MRPS22: variants seen among roughly 807,000 people sequenced by gnomAD.
The protein encoded by MRPS22 is small ribosomal subunit protein mS22.
MRPS22 carries 30 observed loss-of-function variants against 44.0 expected under a neutral mutation model. The ratio of observed to expected loss-of-function variants is 0.68; its 90% confidence interval spans 0.51 to 0.93. MRPS22 has a LOEUF of 0.93. Among genes scored for constraint, MRPS22 ranks in the 40% least tolerant of loss-of-function variants. MRPS22 has a pLI of 0.00. For synonymous variants in MRPS22, 165 were observed against 154.4 expected (o/e 1.07, Z -0.51); for missense variants, 447 against 447.8 (o/e 1.00, Z 0.02).
intron 1 of MRPS22, 157 bp from the exon 2 acceptor site, chr3:139,346,721 T>C (rs1941043955): frequency 7.0e-6 from 5 of 716,006 alleles, no homozygotes; most frequent in East Asian, 2.7e-5. Flanking sequence ...AAATCTTAAA[T>C]GAAGAAATAA....
At chr3:139,356,800 A>G in intron 7 of MRPS22, 119 bp from the exon 8 acceptor site, 1 of 709,882 alleles carries the variant, frequency 1.4e-6, no homozygotes, top group Non-Finnish European at 2.4e-6. Context: ...GAAATCTGAA[A>G]GCCCTTTTTA....
chr3:139,352,976 G>T (rs1055875463), intron 6 of MRPS22, among the ~76,000 whole-genome samples, 184 bp downstream of exon 6: 1 of 152,140 alleles, frequency 6.6e-6, no homozygotes, highest in African/African-American at 2.4e-5. Flanking sequence ...TAAAGTGTAA[G>T]TAAGCCACTT....
In MRPS22 at chr3:139,356,951, C is replaced by T. The variant is rs1941291437; in HGVS notation, c.1020C>T (p.Ala340=). The T allele has an allele frequency of 1.2e-6, 2 of 1,612,846 alleles. No individual in the cohort carries two copies. Among genetic ancestry groups the T allele is most frequent in the African/African-American group, 2.7e-5 (2 of 74,868 alleles). ...VFAKTEAQKG[A]YIELTLQTYQ... Reference sequence around the variant, plus strand: ...CAAAAACAGAAGCACAGAAGGGAGCCTATATAGAACTAACACTGCAGACTT... The same window carrying T: ...CAAAAACAGAAGCACAGAAGGGAGCTTATATAGAACTAACACTGCAGACTT... The change falls in exon 8 of 8, where the codon GCC becomes GCT. Residue 340 remains alanine, a synonymous_variant. Coordinates refer to ENST00000680020, the MANE Select transcript of MRPS22 (RefSeq NM_020191.4).
chr3:139,344,300 T>C (rs1478334241), intron 1 of MRPS22, 102 bp downstream of exon 1: 1 of 1,262,356 alleles, frequency 7.9e-7, no homozygotes, highest in Admixed American at 2.0e-5. Context: ...ACACGTATCC[T>C]AGCGCTTCCT....
chr3:139,348,483 A>C, intron 3 of MRPS22, 159 bp downstream of exon 3: 8 of 690,092 alleles, frequency 1.2e-5, no homozygotes, highest in East Asian at 2.7e-5. Flanking sequence ...AGGGATGAGA[A>C]ATGCAGACCA....
chr3:139,352,675 A>G lies in MRPS22; in HGVS notation c.761A>G (p.Asp254Gly), dbSNP rs1225422129. The G allele has an allele frequency of 6.2e-7, 1 of 1,613,518 alleles. No homozygotes were observed. Among genetic ancestry groups the G allele is most frequent in the Admixed American group, 1.7e-5 (1 of 60,026 alleles). Residue 254 changes from aspartate (D) to glycine (G), a missense_variant, in exon 6 of 8, where the codon GAT becomes GGT. By Grantham distance (94) the Asp-to-Gly change is moderately conservative. Transcript: ENST00000680020. The part of the protein sequence containing the change: ...KVHHKTYEDI[D>G]KRGKYDLLRS... ...CATCACAAGACCTATGAAGATATAG[A>G]TAAACGTGGAAAATATGACCTTTTA...
intron 2 of MRPS22, 145 bp downstream of exon 2, chr3:139,347,189 T>A (rs2107787437): frequency 1.0e-6 from 1 of 979,954 alleles, no homozygotes; most frequent in Admixed American, 2.0e-5. Context: ...AAAAGAAATG[T>A]GAGTAGGCTG....
chr3:139,348,289 G>A lies in MRPS22; in HGVS notation c.469G>A (p.Val157Met), dbSNP rs775576256. The change falls in exon 3 of 8, where the codon GTG (valine) becomes ATG (methionine). Residue 157 changes from valine (V) to methionine (M), a missense_variant. Transcript: ENST00000680020. ...GGAAGGAACAGAAACAACCAAATAT[G>A]TGTTTACTGATATATCATATAGCAT... ...ILEGTETTKY[V>M]FTDISYSIPH... 6.2e-7 allele frequency: 1 copy of A among 1,614,078 alleles called. No homozygotes were observed. Among genetic ancestry groups the A allele is most frequent in the South Asian group, 1.1e-5 (1 of 91,084 alleles).
In MRPS22 at chr3:139,355,022, GTCT is replaced by G. The variant is rs368490350; in HGVS notation, c.879-654_879-652del. Reference sequence around the variant, plus strand: ...ACCAGAAGAACTGAATTCTTGTTCTGTCTTCTTCATAGGTAGTTGTGTGATGCT... The same window carrying G: ...ACCAGAAGAACTGAATTCTTGTTCTGTCTTCATAGGTAGTTGTGTGATGCT... On this transcript the variant is annotated intron_variant, in intron 6 of 7. Transcript: ENST00000680020. Among the ~76,000 whole-genome samples the G allele has an allele frequency of 2.1e-3, 326 of 152,284 alleles. 1 individual carries two copies. The highest frequency in any genetic ancestry group is 7.5e-3 in the African/African-American group (313 of 41,568).
At position 139,357,085 on chromosome 3, in the gene MRPS22, T is replaced by TA. The variant is rs986827742; in HGVS notation, c.*77dup. 14 of 1,274,838 alleles carry TA rather than the reference T, an allele frequency of 1.1e-5. No homozygotes were observed. The highest frequency in any genetic ancestry group is 7.5e-5 in the African/African-American group (5 of 66,516). The allele number at this position is 1,274,838 out of a possible 1,614,324, so 79.0% of individuals were successfully genotyped here. On this transcript the variant is annotated 3_prime_UTR_variant, in exon 8 of 8. Transcript: ENST00000680020. The stretch of plus-strand genomic sequence containing the variant: ...TCTCTGTTAATATTGAGCTAAATGT[T>TA]AAAAAATGGCCAGATTAAAAGATAT...
intron 1 of MRPS22, 21 bp from the exon 2 acceptor site, chr3:139,346,851 CTTCTTA>C (rs1293501189): frequency 6.2e-7 from 1 of 1,613,344 alleles, no homozygotes; most frequent in African/African-American, 1.3e-5. Flanking sequence ...TTTTTGTCAG[CTTCTTA>C]TTTACTAAAG....
intron 5 of MRPS22, 85 bp from the exon 6 acceptor site, chr3:139,352,562 G>A: frequency 1.6e-6 from 2 of 1,227,302 alleles, no homozygotes; most frequent in Non-Finnish European, 2.4e-6. Flanking sequence ...TGCTTGGGCA[G>A]CACTCATGCT....
At chr3:139,349,133 G>A (rs1483615115) in intron 3 of MRPS22, 1 of 346,346 alleles carries the variant, frequency 2.9e-6, no homozygotes, top group African/African-American at 2.2e-5. Context: ...GAGTCACAGA[G>A]TTTCAATTTT....
At chr3:139,344,932 T>G (rs557604204) in intron 1 of MRPS22, among the ~76,000 whole-genome samples, 14 of 152,174 alleles carry the variant, frequency 9.2e-5, no homozygotes, top group African/African-American at 3.4e-4. Context: ...TTAAACCTAT[T>G]TGGGACACAT....
Position 139,356,921 on chromosome 3 carries a change from CTT to C in MRPS22, c.992_993del (p.Phe331CysfsTer34), listed in dbSNP as rs771036052. ...AAEGINLIKV[F>X]AKTEAQKGAY... ...AATTTTCTTTTTAATTTAAACAGGT[CTT>C]TGCAAAAACAGAAGCACAGAAGGGA... is the stretch of plus-strand genomic sequence containing the variant. On this transcript the variant is annotated frameshift_variant, in exon 8 of 8. Transcript: ENST00000680020. LOFTEE classifies it high-confidence loss of function. 2.0e-5 allele frequency: 32 copies of C among 1,610,624 alleles called. No homozygotes were observed. The highest frequency in any genetic ancestry group is 2.7e-5 in the African/African-American group (2 of 74,792).
chr3:139,356,933 A>G lies in MRPS22; in HGVS notation c.1002A>G (p.Thr334=), dbSNP rs1941290234. The change falls in exon 8 of 8, where the codon ACA becomes ACG. Residue 334 remains threonine, a synonymous_variant. Coordinates refer to ENST00000680020, the MANE Select transcript of MRPS22 (RefSeq NM_020191.4). ...AATTTAAACAGGTCTTTGCAAAAAC[A>G]GAAGCACAGAAGGGAGCCTATATAG... The part of the protein sequence containing the change: ...GINLIKVFAK[T]EAQKGAYIEL... 2 of 1,612,686 alleles carry G rather than the reference A, an allele frequency of 1.2e-6. No individual in the cohort carries two copies. Among genetic ancestry groups the G allele is most frequent in the African/African-American group, 1.3e-5 (1 of 75,036 alleles).
intron 3 of MRPS22, chr3:139,349,011 G>A (rs1253040037): frequency 2.7e-5 from 7 of 255,960 alleles, no homozygotes; most frequent in African/African-American, 9.1e-5. Flanking sequence ...AGAATGCTGA[G>A]TTTAGGAGAA....
chr3:139,346,235 C>T (rs1941036381), intron 1 of MRPS22, among the ~76,000 whole-genome samples: 1 of 152,140 alleles, frequency 6.6e-6, no homozygotes, highest in African/African-American at 2.4e-5. Flanking sequence ...CGTGATGAGG[C>T]TCTTGGGACG....
intron 6 of MRPS22, among the ~76,000 whole-genome samples, chr3:139,353,808 T>C (rs1435629440): frequency 6.6e-6 from 1 of 152,206 alleles, no homozygotes; most frequent in Non-Finnish European, 1.5e-5. Context: ...ATGGGGATGC[T>C]CAAGTGACTT....
Sources: allele counts gnomAD v4.1 joint callset (sites outside exome capture counted in the v4.1 genomes callset), GRCh38; gene constraint gnomAD v4.1.1; transcripts MANE v1.5; gene names NCBI Gene and HGNC (gene_info 2026-07-23, HGNC 2026-07-21).